The following CASZ1 variants were observed in gnomAD, a reference collection of about 807,000 sequenced individuals.
The protein encoded by CASZ1 is zinc finger protein castor homolog 1.
A neutral mutation model predicts 135.2 loss-of-function variants in CASZ1; 28 were observed. The ratio of observed to expected loss-of-function variants is 0.21; its 90% CI spans 0.15 to 0.28. CASZ1 has a LOEUF of 0.28. Among genes scored for constraint, CASZ1 ranks in the 10% least tolerant of loss-of-function variants. CASZ1 has a pLI of 1.00. For synonymous variants in CASZ1, 1,068 were observed against 1,073.4 expected (o/e 0.99, Z 0.10); for missense variants, 2,161 against 2,453.3 (o/e 0.88, Z 2.52).
chr1:10,763,576 C>A (rs1356191211), intron 1 of CASZ1, among the ~76,000 whole-genome samples: 2 of 152,190 alleles, frequency 1.3e-5, no homozygotes, highest in Non-Finnish European at 2.9e-5. Context: ...GGTGGCCCCA[C>A]ACACCCCTGA....
At position 10,727,738 on chromosome 1, in the gene CASZ1, C is replaced by G. The variant is rs527910811; in HGVS notation, c.-76-22194G>C. 6.6e-6 allele frequency among the ~76,000 whole-genome samples: 1 copy of G among 152,202 alleles called. No individual in the cohort carries two copies. The highest frequency in any genetic ancestry group is 1.5e-5 in the Non-Finnish European group (1 of 68,014). On this transcript the variant is annotated intron_variant, in intron 2 of 20. Transcript: ENST00000377022. The surrounding 1 kb of genome is among the most constrained non-coding windows in gnomAD (Gnocchi z 5.3). Reference sequence around the variant, plus strand: ...GGAGCTGAGAAGCTGGCCTTCACCTCGTTCCTGATCAGAGGCTGAGGAAGG... The same window carrying G: ...GGAGCTGAGAAGCTGGCCTTCACCTGGTTCCTGATCAGAGGCTGAGGAAGG...
chr1:10,648,236 C>T (rs1455635427), intron 15 of CASZ1, 97 bp from the exon 16 acceptor site: 9 of 822,470 alleles, frequency 1.1e-5, no homozygotes, highest in Admixed American at 6.0e-5. Context: ...CCCCGGTGTC[C>T]GTCCCTACTC....
chr1:10,728,832 GACTC>G (rs1639643430), intron 2 of CASZ1, among the ~76,000 whole-genome samples: 1 of 152,132 alleles, frequency 6.6e-6, no homozygotes, highest in Admixed American at 6.5e-5. Context: ...GGCGCTTGAA[GACTC>G]AATAAAGAGT....
chr1:10,665,803 G>A (rs940059497), intron 4 of CASZ1, among the ~76,000 whole-genome samples: 9 of 152,202 alleles, frequency 5.9e-5, no homozygotes, highest in African/African-American at 2.2e-4. Context: ...GCCTGGCACA[G>A]AGTAGGTAGT....
In CASZ1 at chr1:10,725,437, C is replaced by T. The variant is rs1414285335; in HGVS notation, c.-76-19893G>A. On this transcript the variant is annotated intron_variant, in intron 2 of 20. Transcript: ENST00000377022. The surrounding 1 kb of genome is among the most constrained non-coding windows in gnomAD (Gnocchi z 4.4). ...TTTTTCCTTGTCGATTGAAGAGACA[C>T]ACTTTCCTCTTTGCCAGACAGTTTG... Among the ~76,000 whole-genome samples the T allele has an allele frequency of 6.6e-6, 1 of 152,096 alleles. No individual in the cohort carries two copies. The highest frequency in any genetic ancestry group is 1.5e-5 in the Non-Finnish European group (1 of 68,022).
intron 4 of CASZ1, among the ~76,000 whole-genome samples, chr1:10,675,017 C>A (rs964791391): frequency 3.9e-5 from 6 of 152,074 alleles, no homozygotes; most frequent in Admixed American, 1.3e-4. Context: ...GCTCAGATAC[C>A]CCCCGCAACC....
In CASZ1 at chr1:10,776,745, G is replaced by C. The variant is rs1439081571; in HGVS notation, c.-233-15888C>G. 6.6e-6 allele frequency among the ~76,000 whole-genome samples: 1 copy of C among 152,220 alleles called. No homozygotes were observed. Among genetic ancestry groups the C allele is most frequent in the Non-Finnish European group, 1.5e-5 (1 of 68,036 alleles). ...CTCCAGACGGTGGCAAGAAGCTCCA[G>C]CCATCCTGAAGTAGGAAGGGGTGAC... On this transcript the variant is annotated intron_variant, in intron 1 of 20. Transcript: ENST00000377022. This position sits in a 1 kb window ranked among gnomAD's most constrained non-coding sequence, Gnocchi z 4.1.
intron 8 of CASZ1, among the ~76,000 whole-genome samples, chr1:10,656,215 C>T (rs1256105980): frequency 6.6e-6 from 1 of 152,248 alleles, no homozygotes; most frequent in African/African-American, 2.4e-5. Flanking sequence ...GACTCTCCCC[C>T]CACTCACCAG....
At chr1:10,691,881 G>C (rs1483831900) in intron 4 of CASZ1, among the ~76,000 whole-genome samples, 1 of 152,232 alleles carries the variant, frequency 6.6e-6, no homozygotes, top group Non-Finnish European at 1.5e-5. Context: ...GACTCCTCCA[G>C]GAAACAGTCA....
At chr1:10,786,499 G>A (rs1356018381) in intron 1 of CASZ1, among the ~76,000 whole-genome samples, 1 of 152,182 alleles carries the variant, frequency 6.6e-6, no homozygotes, top group African/African-American at 2.4e-5. Flanking sequence ...CCTCTCCATG[G>A]CAATCCCTGA....
intron 4 of CASZ1, among the ~76,000 whole-genome samples, chr1:10,682,043 T>TCCTGTC (rs1264742508): frequency 1.3e-5 from 2 of 152,088 alleles, no homozygotes; most frequent in African/African-American, 4.8e-5. Flanking sequence ...TCCCTCCACC[T>TCCTGTC]CCTGTCCCTG....
Position 10,794,888 on chromosome 1 carries a change from G to A in CASZ1, c.-234+1676C>T, listed in dbSNP as rs1641034746. 6.6e-6 allele frequency among the ~76,000 whole-genome samples: 1 copy of A among 150,742 alleles called. No homozygotes were observed. Among genetic ancestry groups the A allele is most frequent in the African/African-American group, 2.4e-5 (1 of 41,180 alleles). On this transcript the variant is annotated intron_variant, in intron 1 of 20. Coordinates refer to ENST00000377022, the MANE Select transcript of CASZ1 (RefSeq NM_001079843.3). This position sits in a 1 kb window ranked among gnomAD's most constrained non-coding sequence, Gnocchi z 5.6. ...CTCCGCAGCGGCCCAGCAACCGCCC[G>A]CCCGCCCGCGCCCGGCCAGCCCCCG...
chr1:10,755,597 T>G lies in CASZ1; in HGVS notation c.-77+5104A>C, dbSNP rs1640237494. Among the ~76,000 whole-genome samples the G allele has an allele frequency of 1.3e-5, 2 of 151,900 alleles. No individual in the cohort carries two copies. Among genetic ancestry groups the G allele is most frequent in the Admixed American group, 1.3e-4 (2 of 15,264 alleles). On this transcript the variant is annotated intron_variant, in intron 2 of 20. Coordinates refer to ENST00000377022, the MANE Select transcript of CASZ1 (RefSeq NM_001079843.3). This position sits in a 1 kb window ranked among gnomAD's most constrained non-coding sequence, Gnocchi z 4.3. ...CCCAATCCCTCTTCCCTGGGGCCCG[T>G]GCATGGCGAGATGCGGGGTTTTCCT...
In CASZ1 at chr1:10,741,856, A is replaced by C. The variant is rs1342245735; in HGVS notation, c.-77+18845T>G. 6.6e-6 allele frequency among the ~76,000 whole-genome samples: 1 copy of C among 152,026 alleles called. No individual in the cohort carries two copies. Among genetic ancestry groups the C allele is most frequent in the East Asian group, 1.9e-4 (1 of 5,186 alleles). ...ATCTCATCTGAATTATTTTTTGCTT[A>C]CTGGGCAGTTTGTGCGTATCTGTGT... On this transcript the variant is annotated intron_variant, in intron 2 of 20. Coordinates refer to ENST00000377022, the MANE Select transcript of CASZ1 (RefSeq NM_001079843.3). The surrounding 1 kb of genome is among the most constrained non-coding windows in gnomAD (Gnocchi z 5.0).
At chr1:10,745,417 A>C (rs1344870108) in intron 2 of CASZ1, among the ~76,000 whole-genome samples, 2 of 152,046 alleles carry the variant, frequency 1.3e-5, no homozygotes, top group Non-Finnish European at 2.9e-5. Context: ...CAGCTTCTTG[A>C]CCTTCCTTGC....
chr1:10,692,481 C>T (rs1269768957), intron 4 of CASZ1, among the ~76,000 whole-genome samples: 1 of 152,102 alleles, frequency 6.6e-6, no homozygotes, highest in African/African-American at 2.4e-5. Flanking sequence ...CAGGCAGGTT[C>T]TCTGTGGGAG....
chr1:10,795,750 G>C (rs1388921828), intron 1 of CASZ1, among the ~76,000 whole-genome samples: 1 of 151,884 alleles, frequency 6.6e-6, no homozygotes, highest in Non-Finnish European at 1.5e-5. Flanking sequence ...CACTTGCCGC[G>C]CCTGGAGCAG....
At chr1:10,781,006 G>C (rs1640753600) in intron 1 of CASZ1, among the ~76,000 whole-genome samples, 1 of 152,136 alleles carries the variant, frequency 6.6e-6, no homozygotes, top group African/African-American at 2.4e-5. Flanking sequence ...CTGCCCCTTA[G>C]GGACAGAGGC....
rs1035142240 is a variant in CASZ1 at position 10,754,149 on chromosome 1, T to C, written c.-77+6552A>G. 3.2e-4 allele frequency among the ~76,000 whole-genome samples: 48 copies of C among 152,220 alleles called. 1 individual carries two copies. The highest frequency in any genetic ancestry group is 1.0e-3 in the African/African-American group (43 of 41,452). Reference sequence around the variant, plus strand: ...CTTCACCCAAATGTCACCATCGCAGTGACCCCTTCCCTGGGAGCCACATCT... The same window carrying C: ...CTTCACCCAAATGTCACCATCGCAGCGACCCCTTCCCTGGGAGCCACATCT... On this transcript the variant is annotated intron_variant, in intron 2 of 20. Transcript: ENST00000377022.
Sources: gnomAD v4.1 joint callset for allele counts (sites outside exome capture counted in the v4.1 genomes callset) on GRCh38, gnomAD v4.1.1 for gene constraint, Gnocchi (gnomAD v3.1) non-coding constraint, MANE v1.5 for transcripts, NCBI Gene and HGNC (gene_info 2026-07-23, HGNC 2026-07-21) for gene names.